Variants in COLEC10 observed in about 807,000 individuals in gnomAD.
The protein encoded by COLEC10 is collectin subfamily member 10, also known as collectin-10.
In COLEC10, 22 loss-of-function variants were observed where a neutral mutation model predicts 28.4. That is an observed-to-expected ratio of 0.78 (90% confidence interval 0.55 to 1.11). The LOEUF is 1.11. Among genes scored for constraint, COLEC10 ranks in the 50% least tolerant of loss-of-function variants. The pLI, the probability that COLEC10 is intolerant of heterozygous loss-of-function variation, is 0.00. For synonymous variants in COLEC10, 125 were observed against 116.1 expected, an observed-to-expected ratio of 1.08 and a Z score of -0.49; for missense variants, 361 against 344.1, an observed-to-expected ratio of 1.05 and a Z score of -0.39.
the COLEC10 span, among the ~76,000 whole-genome samples, chr8:118,981,600 A>G: frequency 1.3e-5 from 2 of 152,122 alleles, no homozygotes; most frequent in Non-Finnish European, 2.9e-5. Context: ...TGTTTGCTGT[A>G]GTAATTCTAT....
intron 1 of COLEC10, among the ~76,000 whole-genome samples, chr8:119,086,013 T>A (rs1418202607): frequency 6.6e-6 from 1 of 152,212 alleles, no homozygotes; most frequent in Non-Finnish European, 1.5e-5. Context: ...AGGATTTTAA[T>A]TAATTAATTT....
intron 2 of COLEC10, among the ~76,000 whole-genome samples, chr8:119,051,438 G>T (rs372813267): frequency 4.6e-5 from 7 of 152,246 alleles, no homozygotes; most frequent in South Asian, 2.1e-4. Flanking sequence ...GAAGAAGATG[G>T]AGATAATTTA....
chr8:119,076,779 TG>T (rs1815247004), intron 1 of COLEC10, among the ~76,000 whole-genome samples: 1 of 152,196 alleles, frequency 6.6e-6, no homozygotes, highest in South Asian at 2.1e-4. Flanking sequence ...AGCCAAAAGT[TG>T]TGAAAAAGTC....
At chr8:119,023,611 AT>A (rs1224499707) in intron 2 of COLEC10, among the ~76,000 whole-genome samples, 4 of 152,214 alleles carry the variant, frequency 2.6e-5, no homozygotes, top group Admixed American at 2.0e-4. Context: ...CATTTAAAAA[AT>A]ATTCTGATTT....
chr8:119,073,969 CAT>C (rs1219914898), intron 1 of COLEC10, among the ~76,000 whole-genome samples: 2 of 132,134 alleles, frequency 1.5e-5, no homozygotes, highest in Non-Finnish European at 3.2e-5. Flanking sequence ...CACATATACA[CAT>C]ATATATACAC....
chr8:119,081,560 G>A (rs1815370463), intron 1 of COLEC10, among the ~76,000 whole-genome samples: 1 of 151,926 alleles, frequency 6.6e-6, no homozygotes, highest in South Asian at 2.1e-4. Flanking sequence ...CAGATTAATT[G>A]AAAATGAAAA....
intron 2 of COLEC10, among the ~76,000 whole-genome samples, chr8:119,010,441 T>C (rs930258563): frequency 6.6e-6 from 1 of 151,070 alleles, no homozygotes; most frequent in African/African-American, 2.5e-5. Flanking sequence ...TTTTAAGTTT[T>C]GGCAATCATG....
chr8:119,027,120 T>C (rs1312178935), intron 2 of COLEC10, among the ~76,000 whole-genome samples: 1 of 152,200 alleles, frequency 6.6e-6, no homozygotes, highest in Non-Finnish European at 1.5e-5. Flanking sequence ...AGTATATATA[T>C]ATCACATGGT....
the COLEC10 span, among the ~76,000 whole-genome samples, chr8:118,981,232 G>A: frequency 1.3e-5 from 2 of 151,798 alleles, no homozygotes; most frequent in South Asian, 4.2e-4. Context: ...CTATACTCTT[G>A]GTTTAAAACA....
the COLEC10 span, among the ~76,000 whole-genome samples, chr8:118,973,220 A>G: frequency 6.6e-6 from 1 of 152,008 alleles, no homozygotes; most frequent in Admixed American, 6.6e-5. Flanking sequence ...TTAGTTATGT[A>G]TTAATGCATA....
the COLEC10 span, among the ~76,000 whole-genome samples, chr8:118,973,321 A>T: frequency 6.6e-6 from 1 of 151,946 alleles, no homozygotes; most frequent in Non-Finnish European, 1.5e-5. Flanking sequence ...AGCTTCTCTC[A>T]GGGTCTTCTA....
At chr8:119,100,338 C>A (rs1465680137) in intron 3 of COLEC10, among the ~76,000 whole-genome samples, 2 of 152,170 alleles carry the variant, frequency 1.3e-5, no homozygotes, top group African/African-American at 4.8e-5. Context: ...ACACTTAGTT[C>A]ATGAGATTTA....
intron 2 of COLEC10, among the ~76,000 whole-genome samples, chr8:119,037,238 T>C (rs1814406309): frequency 6.6e-6 from 1 of 152,240 alleles, no homozygotes; most frequent in African/African-American, 2.4e-5. Context: ...GTCCATTTTC[T>C]AATTATTCTA....
chr8:119,044,567 G>A (rs183642690), intron 2 of COLEC10, among the ~76,000 whole-genome samples: 9 of 152,184 alleles, frequency 5.9e-5, no homozygotes, highest in Non-Finnish European at 1.3e-4. Context: ...ATAACTGGGC[G>A]GGCATGGTGG....
chr8:118,953,140 G>T, the COLEC10 span, among the ~76,000 whole-genome samples: 2 of 152,184 alleles, frequency 1.3e-5, no homozygotes, highest in African/African-American at 4.8e-5. Flanking sequence ...GTTCAAAGTG[G>T]ATCCACAGAC....
At chr8:119,094,089 C>A (rs751897762) in intron 3 of COLEC10, among the ~76,000 whole-genome samples, 28 of 152,144 alleles carry the variant, frequency 1.8e-4, no homozygotes, top group Non-Finnish European at 2.9e-4. Context: ...CAAGAATACT[C>A]CTACCACTTA....
At chr8:118,962,278 G>T in the COLEC10 span, among the ~76,000 whole-genome samples, 1 of 152,154 alleles carries the variant, frequency 6.6e-6, no homozygotes, top group African/African-American at 2.4e-5. Flanking sequence ...TGTATTCCAG[G>T]GAGGAATAGT....
the COLEC10 span, among the ~76,000 whole-genome samples, chr8:118,975,792 G>A: frequency 2.6e-5 from 4 of 152,054 alleles, no homozygotes; most frequent in African/African-American, 4.8e-5. Context: ...AGTAGAGGAA[G>A]AATGACCAGG....
intron 1 of COLEC10, among the ~76,000 whole-genome samples, chr8:119,083,835 T>C (rs1207188014): frequency 6.6e-6 from 1 of 152,154 alleles, no homozygotes; most frequent in African/African-American, 2.4e-5. Context: ...AATTATTTAG[T>C]ATAAGATTAA....
Sources: gnomAD v4.1 joint callset for allele counts (sites outside exome capture counted in the v4.1 genomes callset) on GRCh38, gnomAD v4.1.1 for gene constraint, MANE v1.5 for transcripts, NCBI Gene and HGNC (gene_info 2026-07-23, HGNC 2026-07-21) for gene names.